DOCK8: variants seen among roughly 807,000 people sequenced by gnomAD.
The protein encoded by DOCK8 is dedicator of cytokinesis protein 8.
Under a neutral mutation model 245.6 loss-of-function variants are expected in DOCK8, and 141 were observed. That is an observed-to-expected ratio of 0.57 (90% CI 0.50 to 0.66). DOCK8 has a LOEUF of 0.66. Ranked by LOEUF, DOCK8 falls within the 30% of genes least tolerant of loss-of-function variation. The pLI is 0.00. For synonymous variants in DOCK8, 1,168 were observed against 970.2 expected (o/e 1.20, Z -3.79); for missense variants, 2,965 against 2,603.4 (o/e 1.14, Z -3.02).
chr9:218,773 A>G (rs555880175), intron 1 of DOCK8, among the ~76,000 whole-genome samples: 1 of 152,346 alleles, frequency 6.6e-6, no homozygotes, highest in Admixed American at 6.5e-5. Context: ...TGCAGAAAAA[A>G]ACATTAACCC....
chr9:336,487 A>T (rs1324980221), intron 11 of DOCK8, 95 bp from the exon 12 acceptor site: 2 of 1,536,436 alleles, frequency 1.3e-6, no homozygotes, highest in Non-Finnish European at 1.8e-6. Flanking sequence ...AGTGTTCCTG[A>T]TCAGTGACTT....
chr9:445,293 C>T (rs1435374458), intron 43 of DOCK8, among the ~76,000 whole-genome samples: 1 of 152,138 alleles, frequency 6.6e-6, no homozygotes, highest in Admixed American at 6.5e-5. Flanking sequence ...GAATGAGAGT[C>T]TGAACCCAGA....
At chr9:400,859 TCCTCCACCA>T (rs2054975021) in intron 26 of DOCK8, among the ~76,000 whole-genome samples, 1 of 17,662 alleles carries the variant, frequency 5.7e-5, no homozygotes, top group Non-Finnish European at 8.9e-5. Context: ...CATCACCACC[TCCTCCACCA>T]TCACCACCAC....
chr9:294,760 T>C (rs975349787), intron 4 of DOCK8, among the ~76,000 whole-genome samples: 4 of 152,188 alleles, frequency 2.6e-5, no homozygotes, highest in Non-Finnish European at 5.9e-5. Flanking sequence ...ATAAACAAAC[T>C]CTGGTAAATC....
chr9:416,284 A>T (rs756570585), intron 29 of DOCK8, among the ~76,000 whole-genome samples: 3 of 152,236 alleles, frequency 2.0e-5, no homozygotes, highest in Non-Finnish European at 4.4e-5. Flanking sequence ...CATAATGCAG[A>T]GCATGGCATG....
intron 46 of DOCK8, among the ~76,000 whole-genome samples, chr9:462,133 A>T (rs1015724436): frequency 6.6e-5 from 10 of 151,556 alleles, no homozygotes; most frequent in African/African-American, 2.4e-4. Flanking sequence ...TGGTTTCTTC[A>T]TATGGTTTGT....
intron 1 of DOCK8, among the ~76,000 whole-genome samples, chr9:240,033 C>T (rs549241150): frequency 2.6e-5 from 4 of 152,156 alleles, no homozygotes; most frequent in East Asian, 1.9e-4. Flanking sequence ...TGATTCTTCA[C>T]GATAAATGCT....
chr9:414,472 C>G, intron 28 of DOCK8, among the ~76,000 whole-genome samples: 1 of 152,254 alleles, frequency 6.6e-6, no homozygotes. Flanking sequence ...GCTTGGTTTT[C>G]CAGGGTTAGA....
At chr9:289,362 C>A (rs2048946599) in intron 3 of DOCK8, 148 bp from the exon 4 acceptor site, 2 of 687,632 alleles carry the variant, frequency 2.9e-6, no homozygotes, top group Admixed American at 2.2e-5. Flanking sequence ...AGGAATACTT[C>A]AGACATTTGG....
At chr9:379,394 G>T (rs1471189078) in intron 20 of DOCK8, among the ~76,000 whole-genome samples, 2 of 152,140 alleles carry the variant, frequency 1.3e-5, no homozygotes, top group Non-Finnish European at 2.9e-5. Context: ...TACACTCTCT[G>T]GGGTGGGGCC....
rs1337873177 is a variant in DOCK8, at chr9:270,502, C to A, written c.54-1125C>A. ...ATAGATGCCAAAGTTGGGACAAGAGCCCAGTTTCCTGCCTTTCTAGGTGTA... is the reference window on the plus strand; with the variant it reads ...ATAGATGCCAAAGTTGGGACAAGAGACCAGTTTCCTGCCTTTCTAGGTGTA... On this transcript the variant is annotated intron_variant, in intron 1 of 47. Transcript: ENST00000432829. Among the ~76,000 whole-genome samples the A allele has an allele frequency of 2.0e-5, 3 of 152,156 alleles. No individual in the cohort carries two copies. In the East Asian group the frequency reaches 5.8e-4, roughly 29 times the overall value.
chr9:403,986 ATATATGTG>A (rs1393220250), intron 26 of DOCK8, among the ~76,000 whole-genome samples: 1 of 79,466 alleles, frequency 1.3e-5, no homozygotes, highest in African/African-American at 6.8e-5. Flanking sequence ...GTGTATATAT[ATATATGTG>A]TATATATATA....
intron 3 of DOCK8, among the ~76,000 whole-genome samples, chr9:287,269 C>T (rs1187444196): frequency 1.3e-5 from 2 of 152,026 alleles, no homozygotes; most frequent in African/African-American, 4.8e-5. Flanking sequence ...GTTGGCTCTT[C>T]TATATGTTTA....
At chr9:260,721 A>C (rs187216486) in intron 1 of DOCK8, among the ~76,000 whole-genome samples, 12 of 152,336 alleles carry the variant, frequency 7.9e-5, no homozygotes, top group Admixed American at 2.0e-4. Context: ...TTATAGTAGA[A>C]TACATATGCA....
intron 1 of DOCK8, among the ~76,000 whole-genome samples, chr9:246,609 T>A (rs1456131169): frequency 6.6e-6 from 1 of 152,144 alleles, no homozygotes; most frequent in Non-Finnish European, 1.5e-5. Context: ...TAAGAGTATT[T>A]AAGGGATTAT....
Position 340,258 on chromosome 9 carries a change from G to A in DOCK8, c.1616G>A (p.Arg539His), listed in dbSNP as rs767480890. The A allele has an allele frequency of 3.7e-6, 6 of 1,613,954 alleles. No individual in the cohort carries two copies. Among genetic ancestry groups the A allele is most frequent in the East Asian group, 2.2e-5 (1 of 44,900 alleles). ...AAACCCTTTCCTGAAAACCGGACAC[G>A]CCCGCACAAAGAGATTTTGGAATTT... ...PVKPFPENRTRPHKEILEFPT... is the reference protein window; with the variant it reads ...PVKPFPENRTHPHKEILEFPT... The change falls in exon 14 of 48, where the codon CGC becomes CAC. Residue 539 changes from arginine (R) to histidine (H), a missense_variant. By Grantham distance (29) the Arg-to-His change is conservative. Around this residue, in one of 3 missense-constraint regions of DOCK8, gnomAD observed 2,825 missense variants for 2,453.5 expected, o/e 1.15. Coordinates refer to ENST00000432829, the MANE Select transcript of DOCK8 (RefSeq NM_203447.4).
intron 1 of DOCK8, among the ~76,000 whole-genome samples, chr9:244,632 A>G (rs1413727518): frequency 6.6e-6 from 1 of 152,210 alleles, no homozygotes; most frequent in East Asian, 1.9e-4. Context: ...CTATCATATC[A>G]TAAATGTTTA....
In DOCK8 at chr9:418,088, C is replaced by T. The variant is rs556936872; in HGVS notation, c.3721C>T (p.Arg1241Cys). Residue 1241 changes from arginine to cysteine, a missense_variant, in exon 30 of 48, where the codon CGC becomes TGC. By Grantham distance (180) the Arg-to-Cys change is radical (BLOSUM62 -3). This residue lies in a region of DOCK8 where 2,825 missense variants were observed against 2,453.5 expected (regional missense o/e 1.15). Coordinates refer to ENST00000432829, the MANE Select transcript of DOCK8 (RefSeq NM_203447.4). Reference protein sequence around the residue: ...DFTVADTRRYRTSGSDEEQEG... With the variant: ...DFTVADTRRYCTSGSDEEQEG... ...TGCAGTTGCAGATACTCGCAGATAC[C>T]GCACCAGTGGCTCGGATGAAGAACA... The T allele has an allele frequency of 5.0e-5, 80 of 1,614,164 alleles. No homozygotes were observed. The highest frequency in any genetic ancestry group is 3.8e-4 in the East Asian group (17 of 44,890).
intron 29 of DOCK8, 68 bp from the exon 30 acceptor site, chr9:418,000 T>G: frequency 6.2e-7 from 1 of 1,607,256 alleles, no homozygotes; most frequent in Non-Finnish European, 8.5e-7. Context: ...TATCAGTCTC[T>G]TATTGGGTAG....
Sources: allele counts gnomAD v4.1 joint callset (sites outside exome capture counted in the v4.1 genomes callset), GRCh38; gene constraint gnomAD v4.1.1; regional missense constraint gnomAD v4.1.1; transcripts MANE v1.5; gene names NCBI Gene and HGNC (gene_info 2026-07-23, HGNC 2026-07-21).